Variants in RALYL observed in about 807,000 individuals in gnomAD.
RALYL encodes RALY RNA binding protein like.
Under a neutral mutation model 35.1 loss-of-function variants are expected in RALYL, and 29 were observed. That is an observed-to-expected ratio of 0.83 (90% CI 0.61 to 1.13). The LOEUF is 1.13. Among genes scored for constraint, RALYL ranks in the 50% most tolerant of loss-of-function variants. The pLI, the probability that RALYL is intolerant of heterozygous loss-of-function variation, is 0.00. For missense variants in RALYL, 359 were observed against 360.4 expected (o/e 1.00, Z 0.03); for synonymous variants, 120 against 127.6 (o/e 0.94, Z 0.40).
chr8:84,730,656 C>A (rs1316496350), intron 2 of RALYL, among the ~76,000 whole-genome samples: 2 of 135,014 alleles, frequency 1.5e-5, no homozygotes, highest in African/African-American at 6.5e-5. Flanking sequence ...AGCCCAAAAA[C>A]TCTTCACTAT....
At chr8:84,877,072 C>T (rs1410451033) in intron 7 of RALYL, among the ~76,000 whole-genome samples, 1 of 152,178 alleles carries the variant, frequency 6.6e-6, no homozygotes, top group Non-Finnish European at 1.5e-5. Context: ...ACTCCCATTG[C>T]AGGTTTTCCT....
chr8:84,912,290 A>G (rs1847635189), intron 8 of RALYL, among the ~76,000 whole-genome samples: 2 of 152,098 alleles, frequency 1.3e-5, no homozygotes, highest in African/African-American at 2.4e-5. Flanking sequence ...AGATGCTCCT[A>G]TCACCCTTAT....
intron 1 of RALYL, among the ~76,000 whole-genome samples, chr8:84,439,991 T>C (rs1426151976): frequency 6.6e-6 from 1 of 152,140 alleles, no homozygotes; most frequent in East Asian, 1.9e-4. Context: ...AGTAACAAAA[T>C]TTAAGTCAGA....
chr8:84,386,481 A>T (rs1859224888), intron 1 of RALYL, among the ~76,000 whole-genome samples: 1 of 151,824 alleles, frequency 6.6e-6, no homozygotes, highest in African/African-American at 2.4e-5. Context: ...TGAGCTCATA[A>T]TAGAAGACCC....
chr8:84,659,282 CATCAACACCTTAAGCTGTTG>C (rs372126370), intron 2 of RALYL, among the ~76,000 whole-genome samples: 3,102 of 152,186 alleles, frequency 0.02, 107 homozygotes, highest in African/African-American at 0.071. Context: ...TGTGATGTGG[CATCAACACCTTAAGCTGTTG>C]ATCAACAGCT....
intron 2 of RALYL, among the ~76,000 whole-genome samples, chr8:84,564,992 C>T (rs2061686428): frequency 6.6e-6 from 1 of 151,540 alleles, no homozygotes; most frequent in Non-Finnish European, 1.5e-5. Context: ...TTTATCAAAG[C>T]TGATATTCAT....
At chr8:84,861,710 CAG>C (rs1838134777) in intron 5 of RALYL, among the ~76,000 whole-genome samples, 1 of 152,206 alleles carries the variant, frequency 6.6e-6, no homozygotes, top group South Asian at 2.1e-4. Flanking sequence ...TGTCTGCAAT[CAG>C]AGGAGACTTT....
intron 2 of RALYL, among the ~76,000 whole-genome samples, chr8:84,599,838 G>GT (rs1815482055): frequency 6.6e-6 from 1 of 150,786 alleles, no homozygotes; most frequent in Non-Finnish European, 1.5e-5. Context: ...CTTCAAACTA[G>GT]TTGTTCCAAA....
chr8:84,351,990 G>A (rs2131084263), intron 1 of RALYL, among the ~76,000 whole-genome samples: 1 of 150,338 alleles, frequency 6.7e-6, no homozygotes, highest in Admixed American at 6.6e-5. Flanking sequence ...ATTTTTAGAT[G>A]GAAATATATG....
intron 1 of RALYL, among the ~76,000 whole-genome samples, chr8:84,445,139 C>T (rs1010183385): frequency 6.6e-6 from 1 of 152,024 alleles, no homozygotes; most frequent in Non-Finnish European, 1.5e-5. Flanking sequence ...TTCTCACAAC[C>T]ATGTTGAAAG....
intron 1 of RALYL, among the ~76,000 whole-genome samples, chr8:84,289,527 C>A (rs547539687): frequency 6.6e-6 from 1 of 151,824 alleles, no homozygotes; most frequent in Non-Finnish European, 1.5e-5. Flanking sequence ...TGGGAAATTG[C>A]GTTCAGAATA....
chr8:84,275,064 C>T (rs1368911534), intron 1 of RALYL, among the ~76,000 whole-genome samples: 1 of 152,140 alleles, frequency 6.6e-6, no homozygotes, highest in Non-Finnish European at 1.5e-5. Flanking sequence ...TAGTGCAATA[C>T]ACAAACATCA....
intron 1 of RALYL, among the ~76,000 whole-genome samples, chr8:84,427,796 GCA>G (rs1437732407): frequency 6.6e-6 from 1 of 152,056 alleles, no homozygotes; most frequent in Non-Finnish European, 1.5e-5. Flanking sequence ...CATAATCCTT[GCA>G]AACTAGTTTT....
At chr8:84,703,896 C>A (rs749893706) in intron 2 of RALYL, among the ~76,000 whole-genome samples, 8 of 152,094 alleles carry the variant, frequency 5.3e-5, no homozygotes, top group Non-Finnish European at 1.2e-4. Flanking sequence ...TAAAATACAT[C>A]ATTAGATCTT....
intron 4 of RALYL, among the ~76,000 whole-genome samples, chr8:84,813,319 C>T (rs898396296): frequency 5.3e-5 from 8 of 152,142 alleles, no homozygotes; most frequent in African/African-American, 1.9e-4. Flanking sequence ...GTCTGTGGGT[C>T]CTCTTGGGAT....
rs149626706 is a variant in RALYL at position 84,309,308 on chromosome 8, A to T, written c.-24+124884A>T. On this transcript the variant is annotated intron_variant, in intron 1 of 8. Transcript: ENST00000521268. ...ATCAATGGAAAATTCACAGGAATTG[A>T]TAACATCTTAGATTGTAAAAACAGT... 5.0e-3 allele frequency among the ~76,000 whole-genome samples: 752 copies of T among 151,774 alleles called. 2 individuals are homozygous for T. Among genetic ancestry groups the T allele is most frequent in the Admixed American group, 8.3e-3 (127 of 15,252 alleles).
At chr8:84,623,750 G>A (rs1822096652) in intron 2 of RALYL, among the ~76,000 whole-genome samples, 1 of 152,088 alleles carries the variant, frequency 6.6e-6, no homozygotes, top group African/African-American at 2.4e-5. Context: ...TTCACATGAT[G>A]AGGACTATCA....
intron 2 of RALYL, among the ~76,000 whole-genome samples, chr8:84,639,765 A>G (rs1825928741): frequency 6.6e-6 from 1 of 152,000 alleles, no homozygotes. Flanking sequence ...TAGAGTCAAA[A>G]GAATTAAAGC....
chr8:84,603,210 A>G (rs991274342), intron 2 of RALYL, among the ~76,000 whole-genome samples: 4 of 152,058 alleles, frequency 2.6e-5, no homozygotes, highest in African/African-American at 9.7e-5. Flanking sequence ...ATAAGGAATG[A>G]GAAAGGTGGT....
Sources: allele counts gnomAD v4.1 joint callset (sites outside exome capture counted in the v4.1 genomes callset), GRCh38; gene constraint gnomAD v4.1.1; transcripts MANE v1.5; gene names NCBI Gene and HGNC (gene_info 2026-07-23, HGNC 2026-07-21).